GPC5: variants seen among roughly 807,000 people sequenced by gnomAD.
The protein encoded by GPC5 is glypican-5.
In GPC5, 47 loss-of-function variants were observed where a neutral mutation model predicts 53.9. That is an observed-to-expected ratio of 0.87 (90% confidence interval 0.69 to 1.11). The LOEUF is 1.11. Ranked by LOEUF, GPC5 falls within the 50% of genes most tolerant of loss-of-function variation. The pLI is 0.00. For missense variants in GPC5, 748 were observed against 713.1 expected (o/e 1.05, Z -0.56); for synonymous variants, 286 against 263.3 (o/e 1.09, Z -0.84).
chr13:91,653,998 C>G (rs993199900), intron 2 of GPC5, among the ~76,000 whole-genome samples: 16 of 152,278 alleles, frequency 1.1e-4, no homozygotes, highest in African/African-American at 3.6e-4. Flanking sequence ...CCCTGCCCCC[C>G]ATCTTCAGGT....
chr13:92,706,089 G>T lies in GPC5; in HGVS notation c.1562-160193G>T, dbSNP rs530599704. Reference sequence around the variant, plus strand: ...GTCACAAAAAGAAAGACTCTGTTGAGGTACCCAGCCTAGAAGTAGTCCATC... The same window carrying T: ...GTCACAAAAAGAAAGACTCTGTTGATGTACCCAGCCTAGAAGTAGTCCATC... On this transcript the variant is annotated intron_variant, in intron 7 of 7. Transcript: ENST00000377067. 1.3e-3 allele frequency: 200 copies of T among 151,904 alleles called. 4 individuals are homozygous for T. The highest frequency in any genetic ancestry group is 4.7e-3 in the African/African-American group (194 of 41,444). The allele number at this position is 151,904 out of a possible 1,614,324, so 9.4% of individuals were successfully genotyped here.
At chr13:92,305,204 C>T (rs1483817202) in intron 7 of GPC5, among the ~76,000 whole-genome samples, 2 of 152,032 alleles carry the variant, frequency 1.3e-5, no homozygotes, top group Admixed American at 6.6e-5. Context: ...ACATCACCGT[C>T]CCTTCAAAAT....
chr13:92,780,098 A>G (rs1189040907), intron 7 of GPC5, among the ~76,000 whole-genome samples: 4 of 152,050 alleles, frequency 2.6e-5, no homozygotes, highest in Admixed American at 1.3e-4. Context: ...ATAATATTCC[A>G]GTCTGTTTGC....
intron 6 of GPC5, among the ~76,000 whole-genome samples, chr13:91,926,702 A>C (rs1305500623): frequency 6.6e-6 from 1 of 152,228 alleles, no homozygotes; most frequent in Non-Finnish European, 1.5e-5. Context: ...GTGGGGAATT[A>C]TATCTGTCCC....
At chr13:91,551,334 T>C (rs1320003184) in intron 2 of GPC5, among the ~76,000 whole-genome samples, 1 of 152,130 alleles carries the variant, frequency 6.6e-6, no homozygotes, top group East Asian at 1.9e-4. Context: ...CAGTCATCCA[T>C]TTTATTTTAT....
intron 7 of GPC5, among the ~76,000 whole-genome samples, chr13:92,204,612 T>A (rs894743484): frequency 2.0e-5 from 3 of 152,202 alleles, no homozygotes; most frequent in African/African-American, 7.2e-5. Flanking sequence ...CGTTGATAAT[T>A]CACTAGAAAA....
chr13:92,326,263 A>C (rs1003697526), intron 7 of GPC5, among the ~76,000 whole-genome samples: 10 of 152,140 alleles, frequency 6.6e-5, no homozygotes, highest in Non-Finnish European at 1.3e-4. Context: ...AACTATGATA[A>C]AAATTTCAGA....
intron 7 of GPC5, among the ~76,000 whole-genome samples, chr13:92,835,748 A>G (rs1393521787): frequency 6.6e-6 from 1 of 152,038 alleles, no homozygotes; most frequent in Non-Finnish European, 1.5e-5. Context: ...ATTTTAAAAT[A>G]TATAGAATAT....
intron 7 of GPC5, among the ~76,000 whole-genome samples, chr13:92,554,557 A>T (rs1311491988): frequency 6.6e-6 from 1 of 151,606 alleles, no homozygotes; most frequent in African/African-American, 2.4e-5. Context: ...TAAAAACTTA[A>T]TGAAACAAAA....
chr13:92,861,970 T>C (rs1197221406), intron 7 of GPC5, among the ~76,000 whole-genome samples: 1 of 152,212 alleles, frequency 6.6e-6, no homozygotes, highest in African/African-American at 2.4e-5. Context: ...CTGAAAATGC[T>C]CTCATTTGAA....
intron 5 of GPC5, among the ~76,000 whole-genome samples, chr13:91,848,666 T>C (rs1258939477): frequency 2.0e-5 from 3 of 152,240 alleles, no homozygotes; most frequent in Admixed American, 2.0e-4. Flanking sequence ...TGTTGTTAAC[T>C]ATATTTGGGA....
chr13:91,813,773 CAAAT>C (rs1045839829), intron 5 of GPC5, among the ~76,000 whole-genome samples: 2 of 151,898 alleles, frequency 1.3e-5, no homozygotes, highest in African/African-American at 4.8e-5. Flanking sequence ...TTTAGAAAAA[CAAAT>C]AAATAAGAAA....
chr13:92,185,681 A>C (rs1273881996), intron 7 of GPC5, among the ~76,000 whole-genome samples: 1 of 152,192 alleles, frequency 6.6e-6, no homozygotes, highest in Non-Finnish European at 1.5e-5. Context: ...AAAACAAAAC[A>C]TAAAATAGTG....
At chr13:91,887,028 T>G (rs977065322) in intron 5 of GPC5, among the ~76,000 whole-genome samples, 15 of 152,134 alleles carry the variant, frequency 9.9e-5, no homozygotes, top group African/African-American at 3.6e-4. Context: ...ACATTTCCCT[T>G]CTTTACTACC....
At chr13:92,645,908 T>C (rs1255545370) in intron 7 of GPC5, among the ~76,000 whole-genome samples, 1 of 152,078 alleles carries the variant, frequency 6.6e-6, no homozygotes, top group African/African-American at 2.4e-5. Flanking sequence ...GAATTCTTAG[T>C]ATATTCTGGA....
intron 5 of GPC5, among the ~76,000 whole-genome samples, chr13:91,873,556 T>C (rs2039170837): frequency 6.6e-6 from 1 of 152,180 alleles, no homozygotes; most frequent in Non-Finnish European, 1.5e-5. Context: ...CAAGCTCTCT[T>C]GTCGGCCGCC....
chr13:91,772,136 G>T (rs920533188), intron 5 of GPC5, among the ~76,000 whole-genome samples: 2 of 152,108 alleles, frequency 1.3e-5, no homozygotes, highest in Non-Finnish European at 2.9e-5. Context: ...GACAAGAAGA[G>T]AACTTCATCT....
At chr13:92,298,063 C>T (rs1294804684) in intron 7 of GPC5, among the ~76,000 whole-genome samples, 1 of 152,102 alleles carries the variant, frequency 6.6e-6, no homozygotes, top group African/African-American at 2.4e-5. Context: ...AGGATCATGA[C>T]TGTCTCCACT....
intron 7 of GPC5, among the ~76,000 whole-genome samples, chr13:92,238,119 C>T (rs2042583559): frequency 6.6e-6 from 1 of 151,858 alleles, no homozygotes; most frequent in Non-Finnish European, 1.5e-5. Context: ...AAAAACGCTC[C>T]TATGAATATT....
Sources: gnomAD v4.1 joint callset for allele counts (sites outside exome capture counted in the v4.1 genomes callset) on GRCh38, gnomAD v4.1.1 for gene constraint, MANE v1.5 for transcripts, NCBI Gene and HGNC (gene_info 2026-07-23, HGNC 2026-07-21) for gene names.